CTPS2: variants seen among roughly 807,000 people sequenced by gnomAD.
CTPS2 encodes the protein CTP synthase 2, also known as CTP synthase II.
A neutral mutation model predicts 46.8 loss-of-function variants in CTPS2; 19 were observed. The ratio of observed to expected loss-of-function variants is 0.41; its 90% CI spans 0.28 to 0.60. CTPS2 has a LOEUF of 0.60. Ranked by LOEUF, CTPS2 falls within the 20% of genes least tolerant of loss-of-function variation. CTPS2 has a pLI of 0.35. For missense variants in CTPS2, 286 were observed against 447.6 expected, an observed-to-expected ratio of 0.64 and a Z score of 3.26; for synonymous variants, 151 against 165.2, an observed-to-expected ratio of 0.91 and a Z score of 0.66.
Position 16,590,736 on chromosome X carries a change from G to T in CTPS2, c.*41+16C>A, listed in dbSNP as rs183325683. 7 of 892,069 alleles carry T rather than the reference G, an allele frequency of 7.8e-6. No homozygotes were observed. In the African/African-American group the frequency reaches 1.4e-4, roughly 18 times the overall value. 73.5% of individuals were successfully genotyped at this position (892,069 alleles called of 1,213,427 possible). A position where few individuals can be genotyped will look rare whatever the true frequency, so the allele number is the denominator to read the frequency against. On this transcript the variant is annotated intron_variant, in intron 18 of 18. Coordinates refer to ENST00000359276, the MANE Select transcript of CTPS2 (RefSeq NM_175859.3). ...TCCATGAGAGAAATGAACAATCCTCGAAGATTCCATCTTACCCTCACAGGC... is the reference window on the plus strand; with the variant it reads ...TCCATGAGAGAAATGAACAATCCTCTAAGATTCCATCTTACCCTCACAGGC...
At chrX:16,712,244 T>TG (rs1925520753) in intron 1 of CTPS2, 91 bp downstream of exon 1, 1 of 111,803 alleles carries the variant, frequency 8.9e-6, no homozygotes, top group Non-Finnish European at 1.9e-5. Context: ...GCACCGGGGC[T>TG]GGGGGTGCAG....
chrX:16,679,012 C>T (rs769989954), intron 9 of CTPS2, among the ~76,000 whole-genome samples: 10 of 110,668 alleles, frequency 9.0e-5, no homozygotes, highest in Middle Eastern at 4.7e-3. Flanking sequence ...AAGATAAGCA[C>T]GTGTGTGATG....
intron 6 of CTPS2, among the ~76,000 whole-genome samples, chrX:16,692,675 A>C (rs5978789): frequency 0.11 from 11,757 of 110,954 alleles, 861 homozygotes; most frequent in African/African-American, 0.25. Flanking sequence ...TAAGGGAATA[A>C]GCCTTTTCCG....
At chrX:16,640,673 C>T (rs1932035178) in intron 13 of CTPS2, among the ~76,000 whole-genome samples, 1 of 112,000 alleles carries the variant, frequency 8.9e-6, no homozygotes, top group Non-Finnish European at 1.9e-5. Context: ...GGTTTCATCT[C>T]ATCTTCTTTT....
At chrX:16,640,479 C>T (rs1932024678) in intron 13 of CTPS2, among the ~76,000 whole-genome samples, 1 of 111,830 alleles carries the variant, frequency 8.9e-6, no homozygotes, top group African/African-American at 3.3e-5. Context: ...CTGCCTTTCT[C>T]TCAGTTTGTG....
At chrX:16,650,511 C>CTTTTTTT (rs1167079038) in intron 13 of CTPS2, among the ~76,000 whole-genome samples, 4 of 77,208 alleles carry the variant, frequency 5.2e-5, no homozygotes, top group Non-Finnish European at 7.1e-5. Context: ...TCTAAGATGT[C>CTTTTTTT]TTTTTTTTTT....
At chrX:16,650,970 G>T (rs900995588) in intron 13 of CTPS2, 2 of 1,177,994 alleles carry the variant, frequency 1.7e-6, no homozygotes, top group Non-Finnish European at 1.1e-6. Context: ...CAGCTTTTTG[G>T]TAAGTTTATT....
intron 17 of CTPS2, among the ~76,000 whole-genome samples, chrX:16,594,154 C>T (rs1278651647): frequency 1.8e-5 from 2 of 111,392 alleles, no homozygotes; most frequent in African/African-American, 6.5e-5. Context: ...TAAGCTGTGC[C>T]ACAGGTAGGG....
intron 4 of CTPS2, among the ~76,000 whole-genome samples, chrX:16,694,497 T>G (rs1230646050): frequency 8.9e-6 from 1 of 112,278 alleles, no homozygotes; most frequent in Non-Finnish European, 1.9e-5. Context: ...TCCTAGGAAT[T>G]CAGCACAAGT....
chrX:16,597,737 A>C (rs1352030160), intron 17 of CTPS2, among the ~76,000 whole-genome samples: 1 of 111,035 alleles, frequency 9.0e-6, no homozygotes, highest in East Asian at 2.8e-4. Context: ...GAAGAAAGTC[A>C]TTGGTAGCTT....
chrX:16,677,458 C>A (rs1013587371), intron 10 of CTPS2, among the ~76,000 whole-genome samples: 1 of 110,983 alleles, frequency 9.0e-6, no homozygotes, highest in Non-Finnish European at 1.9e-5. Flanking sequence ...CTATTCAACA[C>A]GAAGAAGTTA....
At chrX:16,616,835 C>G (rs768602451) in intron 16 of CTPS2, among the ~76,000 whole-genome samples, 1 of 111,160 alleles carries the variant, frequency 9.0e-6, no homozygotes, top group East Asian at 2.8e-4. Flanking sequence ...GCTGGGACTA[C>G]AGGTGCACGC....
chrX:16,639,777 AAAAGAAAGAAAGAAAGAAAG>A (rs10682704), intron 13 of CTPS2, among the ~76,000 whole-genome samples: 1,724 of 72,663 alleles, frequency 0.024, 39 homozygotes, highest in East Asian at 0.087. Flanking sequence ...AAAGGAAAAG[AAAAGAAAGAAAGAAAGAAAG>A]AAAGAAAGAA....
intron 4 of CTPS2, among the ~76,000 whole-genome samples, chrX:16,696,936 C>T (rs1852970546): frequency 9.0e-6 from 1 of 110,838 alleles, no homozygotes; most frequent in Non-Finnish European, 1.9e-5. Flanking sequence ...TATATTATTA[C>T]ATTATTACAA....
chrX:16,617,367 A>G, intron 15 of CTPS2, 121 bp from the exon 16 acceptor site: 1 of 404,053 alleles, frequency 2.5e-6, no homozygotes, highest in Admixed American at 4.4e-5. Flanking sequence ...GTTAATGTCT[A>G]TATTCAATGC....
Position 16,658,141 on chromosome X carries a change from G to A in CTPS2, c.1296+9373C>T, listed in dbSNP as rs182947724. ...GGATTATCTGAGCCCGGGAGGCGGA[G>A]GTTGCAGTGAGCCAAGATTGTGCTA... On this transcript the variant is annotated intron_variant, in intron 13 of 18. Coordinates refer to ENST00000359276, the MANE Select transcript of CTPS2 (RefSeq NM_175859.3). 5.5e-5 allele frequency among the ~76,000 whole-genome samples: 6 copies of A among 109,633 alleles called. No homozygotes were observed. The East Asian group carries it at 1.7e-3, about 31-fold the overall frequency.
chrX:16,679,178 C>A (rs1922532411), intron 9 of CTPS2, among the ~76,000 whole-genome samples: 1 of 109,919 alleles, frequency 9.1e-6, no homozygotes, highest in African/African-American at 3.3e-5. Flanking sequence ...GCCAACGTGG[C>A]AAAACCCCGT....
intron 13 of CTPS2, among the ~76,000 whole-genome samples, chrX:16,659,949 T>G (rs1355081494): frequency 8.9e-6 from 1 of 112,018 alleles, no homozygotes; most frequent in Non-Finnish European, 1.9e-5. Context: ...ATTTTCTTTA[T>G]CTATTCATCT....
intron 14 of CTPS2, chrX:16,627,015 T>G (rs1250906967): frequency 1.8e-5 from 2 of 113,946 alleles, no homozygotes; most frequent in African/African-American, 6.5e-5. Flanking sequence ...TCTAATACAT[T>G]GGTACAAAAG....
Sources: allele counts gnomAD v4.1 joint callset (sites outside exome capture counted in the v4.1 genomes callset), GRCh38; gene constraint gnomAD v4.1.1; transcripts MANE v1.5; gene names NCBI Gene and HGNC (gene_info 2026-07-23, HGNC 2026-07-21).